ZNF44: variants seen among roughly 807,000 people sequenced by gnomAD.
The protein encoded by ZNF44 is gonadotropin inducible transcription repressor-2.
ZNF44 carries 9 observed loss-of-function variants against 11.7 expected under a neutral mutation model. The observed-to-expected ratio is 0.77, with a 90% CI of 0.46 to 1.35. The LOEUF is 1.35. Ranked by LOEUF, ZNF44 falls within the 40% of genes most tolerant of loss-of-function variation. The probability of loss-of-function intolerance (pLI) is 0.00; values close to 1 mark genes in which losing one functional copy is unlikely to be tolerated. For synonymous variants in ZNF44, 224 were observed against 242.7 expected, an observed-to-expected ratio of 0.92 and a Z score of 0.72; for missense variants, 696 against 743.1, an observed-to-expected ratio of 0.94 and a Z score of 0.74.
At chr19:12,235,255 G>C (rs1382857126) in intron 1 of ZNF44, among the ~76,000 whole-genome samples, 2 of 152,190 alleles carry the variant, frequency 1.3e-5, no homozygotes, top group Non-Finnish European at 2.9e-5. Context: ...TGTAGTCCCA[G>C]CTACTCGGGA....
chr19:12,294,663 C>A, intron 1 of ZNF44, 29 bp downstream of exon 1: 2 of 1,556,240 alleles, frequency 1.3e-6, no homozygotes, highest in Non-Finnish European at 1.7e-6. Flanking sequence ...CTTCGCCCTG[C>A]CTCAGGACGC....
rs1032513855 is a variant in ZNF44, at chr19:12,272,847, G to A, written c.1408C>T (p.His470Tyr). 6.2e-7 allele frequency: 1 copy of A among 1,613,972 alleles called. No individual in the cohort carries two copies. Residue 470 changes from histidine (H) to tyrosine (Y), a missense_variant, in exon 4 of 4, where the codon CAC becomes TAC. Physicochemically the swap from His to Tyr is moderately conservative, Grantham distance 83. Coordinates refer to ENST00000355684, the MANE Select transcript of ZNF44 (RefSeq NM_016264.4). ...LFSFQSHETT[H>Y]SEEEPYECKE... ...CATTCATAAGGCTCCTCTTCACTGT[G>A]TGTTGTTTCATGACTTTGAAAGGAA...
chr19:12,235,980 C>T (rs1916371517), intron 1 of ZNF44, among the ~76,000 whole-genome samples: 1 of 152,196 alleles, frequency 6.6e-6, no homozygotes, highest in African/African-American at 2.4e-5. Context: ...ACCCGAGTTT[C>T]ATGCACTTAC....
chr19:12,294,659 C>T (rs1193454778), intron 1 of ZNF44, 33 bp downstream of exon 1: 1 of 1,555,338 alleles, frequency 6.4e-7, no homozygotes, highest in Non-Finnish European at 8.7e-7. Flanking sequence ...AGCCCTTCGC[C>T]CTGCCTCAGG....
chr19:12,269,498 GGC>G (rs1386921356), downstream of ZNF44, among the ~76,000 whole-genome samples: 1 of 151,898 alleles, frequency 6.6e-6, no homozygotes, highest in Non-Finnish European at 1.5e-5. Context: ...CTCCAGCCTG[GGC>G]AACAAGAGTG....
intron 1 of ZNF44, among the ~76,000 whole-genome samples, chr19:12,292,166 A>T (rs1200393129): frequency 6.6e-6 from 1 of 151,892 alleles, no homozygotes; most frequent in Non-Finnish European, 1.5e-5. Context: ...CATCACTACA[A>T]AATACTCAAA....
chr19:12,251,329 CAA>C (rs58014346), intron 5 of ZNF44, among the ~76,000 whole-genome samples: 4 of 132,944 alleles, frequency 3.0e-5, no homozygotes, highest in Admixed American at 7.8e-5. Context: ...GACTCTGTCT[CAA>C]AAAAAAAAAA....
chr19:12,238,775 AGCAGAGTAAG>A, upstream of ZNF44, among the ~76,000 whole-genome samples: 1 of 152,138 alleles, frequency 6.6e-6, no homozygotes, highest in African/African-American at 2.4e-5. Context: ...CAGCCTGGGC[AGCAGAGTAAG>A]ACTTCATTTC....
chr19:12,277,963 A>G (rs1041831688), intron 1 of ZNF44, among the ~76,000 whole-genome samples: 2 of 152,254 alleles, frequency 1.3e-5, no homozygotes, highest in African/African-American at 4.8e-5. Flanking sequence ...ACTAAGACAT[A>G]CATTAGAAGG....
chr19:12,242,206 T>A (rs1916640411), upstream of ZNF44, among the ~76,000 whole-genome samples: 1 of 152,106 alleles, frequency 6.6e-6, no homozygotes, highest in East Asian at 1.9e-4. Flanking sequence ...TTACTATATT[T>A]GACCTTAAAA....
intron 5 of ZNF44, among the ~76,000 whole-genome samples, chr19:12,263,156 C>T (rs1478181982): frequency 6.6e-6 from 1 of 151,760 alleles, no homozygotes; most frequent in Admixed American, 6.6e-5. Flanking sequence ...CGCAATCTCC[C>T]GCTCACCGCA....
chr19:12,290,419 C>T (rs548925146), intron 1 of ZNF44, among the ~76,000 whole-genome samples: 1 of 141,352 alleles, frequency 7.1e-6, no homozygotes, highest in African/African-American at 2.6e-5. Context: ...AGGCTCCTCC[C>T]AGGCCAGGCA....
chr19:12,280,963 A>C (rs1303759546), intron 1 of ZNF44, among the ~76,000 whole-genome samples: 1 of 152,212 alleles, frequency 6.6e-6, no homozygotes, highest in Admixed American at 6.5e-5. Flanking sequence ...AACATATAAA[A>C]CCACAAGGCA....
intron 5 of ZNF44, among the ~76,000 whole-genome samples, chr19:12,252,732 TA>T (rs546990834): frequency 0.016 from 2,236 of 140,122 alleles, 15 homozygotes; most frequent in Non-Finnish European, 0.019. Flanking sequence ...TAAAATAGTG[TA>T]AAAAAAAAAA....
downstream of ZNF44, among the ~76,000 whole-genome samples, chr19:12,246,501 T>C (rs1271977560): frequency 1.3e-5 from 2 of 151,810 alleles, no homozygotes; most frequent in Non-Finnish European, 2.9e-5. Flanking sequence ...AGGATGCCAG[T>C]AGAAAACTCC....
intron 5 of ZNF44, among the ~76,000 whole-genome samples, chr19:12,257,895 C>T (rs1044508990): frequency 6.6e-5 from 10 of 151,652 alleles, no homozygotes; most frequent in East Asian, 1.9e-4. Flanking sequence ...CACTTGAACC[C>T]GGCTGGTGGA....
At chr19:12,292,118 C>T (rs563144664) in intron 1 of ZNF44, among the ~76,000 whole-genome samples, 12 of 151,976 alleles carry the variant, frequency 7.9e-5, no homozygotes, top group South Asian at 2.1e-4. Context: ...CACTTGAGCC[C>T]GGGACTTCAA....
At chr19:12,237,167 A>G (rs1379233469) in intron 1 of ZNF44, 1 of 152,282 alleles carries the variant, frequency 6.6e-6, no homozygotes, top group African/African-American at 2.4e-5. Flanking sequence ...GATCCTCGCC[A>G]TGATCCTCCC....
At chr19:12,242,433 C>G (rs1189726002), upstream of ZNF44, among the ~76,000 whole-genome samples, 1 of 150,670 alleles carries the variant, frequency 6.6e-6, no homozygotes, top group African/African-American at 2.5e-5. Context: ...TAGCGTGAAC[C>G]TGGGAGGCGG....
Sources: gnomAD v4.1 joint callset for allele counts (sites outside exome capture counted in the v4.1 genomes callset) on GRCh38, gnomAD v4.1.1 for gene constraint, MANE v1.5 for transcripts, NCBI Gene and HGNC (gene_info 2026-07-23, HGNC 2026-07-21) for gene names.